The following TGIF1 variants were observed in gnomAD, a reference collection of about 807,000 sequenced individuals.
The protein encoded by TGIF1 is homeobox protein TGIF1.
TGIF1 carries 4 observed loss-of-function variants against 19.3 expected under a neutral mutation model. The ratio of observed to expected loss-of-function variants is 0.21; its 90% CI spans 0.10 to 0.47. The LOEUF (loss-of-function observed/expected upper bound fraction) is 0.47, where lower values mean the gene tolerates loss of function less well. Ranked by LOEUF, TGIF1 falls within the 20% of genes least tolerant of loss-of-function variation. The pLI is 0.98. For missense variants in TGIF1, 275 were observed against 341.4 expected (o/e 0.81, Z 1.53); for synonymous variants, 122 against 129.3 (o/e 0.94, Z 0.38).
At chr18:3,418,951 A>C (rs2082366677) in intron 2 of TGIF1, 1 of 152,178 alleles carries the variant, frequency 6.6e-6, no homozygotes, top group Non-Finnish European at 1.5e-5. Context: ...CCATCTACTC[A>C]GGAGGCTGAG....
At chr18:3,452,548 T>A (rs2083007612) in intron 1 of TGIF1, among the ~76,000 whole-genome samples, 1 of 152,182 alleles carries the variant, frequency 6.6e-6, no homozygotes, top group Non-Finnish European at 1.5e-5. Context: ...TTCTAGTTTC[T>A]TGGGTCCTGG....
chr18:3,415,842 G>T (rs1392192856), intron 1 of TGIF1, among the ~76,000 whole-genome samples: 5 of 152,186 alleles, frequency 3.3e-5, no homozygotes, highest in Non-Finnish European at 1.5e-5. Context: ...ACACTACAGA[G>T]AGATAAAGAA....
chr18:3,456,372 G>A lies in TGIF1; in HGVS notation c.35G>A (p.Gly12Asp), dbSNP rs745307264. The A allele has an allele frequency of 8.1e-6, 13 of 1,614,206 alleles. No homozygotes were observed. Among genetic ancestry groups the A allele is most frequent in the Non-Finnish European group, 9.3e-6 (11 of 1,180,040 alleles). Residue 12 changes from glycine (G) to aspartate (D), a missense_variant, in exon 2 of 3, where the codon GGC becomes GAC. By Grantham distance (94) the Gly-to-Asp change is moderately conservative. Transcript: ENST00000343820. The surrounding 1 kb of genome is among the most constrained non-coding windows in gnomAD (Gnocchi z 4.2). ...TTCCTAGGTATTGTTGCAGCATCTGGCAGTGAGACTGAGGATGAGGACAGC... is the reference window on the plus strand; with the variant it reads ...TTCCTAGGTATTGTTGCAGCATCTGACAGTGAGACTGAGGATGAGGACAGC... ...KGKKGIVAASGSETEDEDSMD... is the reference protein window; with the variant it reads ...KGKKGIVAASDSETEDEDSMD...
upstream of TGIF1, chr18:3,449,531 T>A: frequency 1.0e-6 from 1 of 985,362 alleles, no homozygotes; most frequent in Non-Finnish European, 1.2e-6. Flanking sequence ...AGGCTGTGTC[T>A]CATCATTCCC....
At chr18:3,444,751 AAAAAC>A (rs559462603) in intron 2 of TGIF1, among the ~76,000 whole-genome samples, 4 of 152,348 alleles carry the variant, frequency 2.6e-5, no homozygotes, top group South Asian at 2.1e-4. Context: ...TTAAAAATAA[AAAAAC>A]AAAACAAATT....
intron 1 of TGIF1, among the ~76,000 whole-genome samples, chr18:3,417,213 G>C (rs1311570892): frequency 6.6e-6 from 1 of 152,278 alleles, no homozygotes; most frequent in African/African-American, 2.4e-5. Flanking sequence ...GGTCTGGAGT[G>C]CAGTGGTGCA....
chr18:3,452,440 G>A (rs2083000026), intron 1 of TGIF1: 1 of 1,610,616 alleles, frequency 6.2e-7, no homozygotes, highest in Non-Finnish European at 8.5e-7. Context: ...GGGAGCCGAG[G>A]CTGCCGAGGT....
upstream of TGIF1, chr18:3,449,756 A>G (rs904225624): frequency 2.3e-5 from 23 of 985,520 alleles, no homozygotes; most frequent in African/African-American, 3.5e-4. Flanking sequence ...AGTTCGGGGC[A>G]GCTGTCAAAA....
At position 3,457,326 on chromosome 18, in the gene TGIF1, GA is replaced by G; in HGVS notation, c.244-37del. On this transcript the variant is annotated intron_variant, in intron 2 of 2. Transcript: ENST00000343820. This position sits in a 1 kb window ranked among gnomAD's most constrained non-coding sequence, Gnocchi z 4.9. ...CATTCTCAGAACCCGTTGGCTGAGTGAATGAGGAAAATGTTAAAGCGTACCG... is the reference window on the plus strand; with the variant it reads ...CATTCTCAGAACCCGTTGGCTGAGTGATGAGGAAAATGTTAAAGCGTACCG... 1 of 1,608,760 alleles carries G rather than the reference GA, an allele frequency of 6.2e-7. No individual in the cohort carries two copies. The highest frequency in any genetic ancestry group is 8.5e-7 in the Non-Finnish European group (1 of 1,176,044).
intron 1 of TGIF1, among the ~76,000 whole-genome samples, chr18:3,416,380 G>A (rs910782365): frequency 6.6e-6 from 1 of 152,080 alleles, no homozygotes; most frequent in Non-Finnish European, 1.5e-5. Flanking sequence ...TCAGCAGGGT[G>A]TTATGGCACG....
rs998704800 is a variant in TGIF1 at position 3,456,144 on chromosome 18, G to C, written c.17-210G>C. On this transcript the variant is annotated intron_variant, in intron 1 of 2. Transcript: ENST00000343820. The surrounding 1 kb of genome is among the most constrained non-coding windows in gnomAD (Gnocchi z 4.2). ...CCTAGAGGAAAGCGGCTGAGAAAAG[G>C]CATCTGGCATTTGGTTGAGAGCCTC... is the stretch of plus-strand genomic sequence containing the variant. 2 of 642,728 alleles carry C rather than the reference G, an allele frequency of 3.1e-6. No homozygotes were observed. The highest frequency in any genetic ancestry group is 3.6e-5 in the African/African-American group (2 of 55,452). 39.8% of individuals were successfully genotyped at this position (642,728 alleles called of 1,614,324 possible). A position where few individuals can be genotyped will look rare whatever the true frequency, so the allele number is the denominator to read the frequency against.
At chr18:3,453,900 C>T in intron 1 of TGIF1, 5 of 950,796 alleles carry the variant, frequency 5.3e-6, no homozygotes, top group Non-Finnish European at 6.3e-6. Flanking sequence ...AACCGGGAAA[C>T]TTTTCAAAAG....
chr18:3,422,296 T>TAAAAAAAAAAAAAAAAAAAAAA (rs34822467), intron 2 of TGIF1, among the ~76,000 whole-genome samples: 1 of 80,432 alleles, frequency 1.2e-5, no homozygotes, highest in African/African-American at 3.6e-5. Context: ...GTTTAAAAAG[T>TAAAAAAAAAAAAAAAAAAAAAA]AAAAAAAAAA....
At chr18:3,432,864 A>T (rs1325953353) in intron 2 of TGIF1, among the ~76,000 whole-genome samples, 2 of 151,860 alleles carry the variant, frequency 1.3e-5, no homozygotes, top group Non-Finnish European at 2.9e-5. Context: ...GGTTCAAGCA[A>T]TTCTCCTGCC....
rs1447474370 is a variant in TGIF1 at position 3,459,662 on chromosome 18, TA to T, written c.*1726del. 6.6e-6 allele frequency: 1 copy of T among 152,226 alleles called. No individual in the cohort carries two copies. Among genetic ancestry groups the T allele is most frequent in the African/African-American group, 2.4e-5 (1 of 41,450 alleles). 9.4% of individuals were successfully genotyped at this position (152,226 alleles called of 1,614,324 possible). A position where few individuals can be genotyped will look rare whatever the true frequency, so the allele number is the denominator to read the frequency against. The stretch of plus-strand genomic sequence containing the variant: ...ATAGATGAGGGAAATGAGCAAGTCC[TA>T]AAAGGTTTGCCCTGTTACGGTGTTT... On this transcript the variant is annotated 3_prime_UTR_variant, in exon 3 of 3. Transcript: ENST00000343820.
intron 2 of TGIF1, among the ~76,000 whole-genome samples, chr18:3,445,147 G>A (rs1014198187): frequency 2.0e-5 from 3 of 152,172 alleles, no homozygotes; most frequent in Admixed American, 6.5e-5. Context: ...CGATGGCAGC[G>A]GGGCTACCTA....
At position 3,451,083 on chromosome 18, in the gene TGIF1, G is replaced by C. The variant is rs1474709727; in HGVS notation, c.16+578G>C. Among the ~76,000 whole-genome samples, 1 of 151,788 alleles carries C rather than the reference G, an allele frequency of 6.6e-6. No homozygotes were observed. Among genetic ancestry groups the C allele is most frequent in the Non-Finnish European group, 1.5e-5 (1 of 67,946 alleles). On this transcript the variant is annotated intron_variant, in intron 1 of 2. Coordinates refer to ENST00000343820, the MANE Select transcript of TGIF1 (RefSeq NM_003244.4). The surrounding 1 kb of genome is among the most constrained non-coding windows in gnomAD (Gnocchi z 5.4). Reference sequence around the variant, plus strand: ...ATTCTGGACCCCCTCATCGCCCTCGGGTGTAAACAGCTTTGGAAAGCTAGA... The same window carrying C: ...ATTCTGGACCCCCTCATCGCCCTCGCGTGTAAACAGCTTTGGAAAGCTAGA...
chr18:3,421,166 G>A (rs1175358771), intron 2 of TGIF1, among the ~76,000 whole-genome samples: 1 of 151,450 alleles, frequency 6.6e-6, no homozygotes, highest in African/African-American at 2.4e-5. Context: ...CAAATCTACT[G>A]TATTTGATGG....
intron 2 of TGIF1, among the ~76,000 whole-genome samples, chr18:3,424,332 T>A (rs2082442543): frequency 6.6e-6 from 1 of 152,174 alleles, no homozygotes; most frequent in African/African-American, 2.4e-5. Context: ...AATCATCATG[T>A]TATTAACTAC....
Sources: gnomAD v4.1 joint callset for allele counts (sites outside exome capture counted in the v4.1 genomes callset) on GRCh38, gnomAD v4.1.1 for gene constraint, Gnocchi (gnomAD v3.1) non-coding constraint, MANE v1.5 for transcripts, NCBI Gene and HGNC (gene_info 2026-07-23, HGNC 2026-07-21) for gene names.